DNER: variants seen among roughly 807,000 people sequenced by gnomAD.
The protein encoded by DNER is delta/notch like EGF repeat containing.
Under a neutral mutation model 78.2 loss-of-function variants are expected in DNER, and 33 were observed. The observed-to-expected ratio is 0.42, with a 90% confidence interval of 0.32 to 0.56. The LOEUF is 0.56. Ranked by LOEUF, DNER falls within the 20% of genes least tolerant of loss-of-function variation. The pLI, the probability that DNER is intolerant of heterozygous loss-of-function variation, is 0.11. For synonymous variants in DNER, 417 were observed against 384.8 expected (o/e 1.08, Z -0.98); for missense variants, 918 against 975.3 (o/e 0.94, Z 0.78).
intron 8 of DNER, among the ~76,000 whole-genome samples, chr2:229,432,875 A>G (rs1418645772): frequency 6.6e-6 from 1 of 152,220 alleles, no homozygotes; most frequent in East Asian, 1.9e-4. Context: ...GGGAAATGGT[A>G]GGGGTTGTCC....
In DNER at chr2:229,357,720, C is replaced by A. The variant is rs530378251; in HGVS notation, c.*820G>T. On this transcript the variant is annotated 3_prime_UTR_variant, in exon 13 of 13. Transcript: ENST00000341772. ...AATCAAATACAGCCACAAAAACATC[C>A]TGGAGATAAATAAAGCTGCACTATG... 3.9e-5 allele frequency: 6 copies of A among 152,286 alleles called. 1 individual carries two copies. The Middle Eastern group carries it at 0.01, about 259-fold the overall frequency. 9.4% of individuals were successfully genotyped at this position (152,286 alleles called of 1,614,324 possible).
rs574649757 is a variant in DNER, at chr2:229,684,047, G to A, written c.276+30101C>T. ...AAACCCTTTCAACAGTCTGAAAAGT[G>A]CAATGGTAACCATTTTCCAGATGCT... On this transcript the variant is annotated intron_variant, in intron 1 of 12. Transcript: ENST00000341772. Among the ~76,000 whole-genome samples the A allele has an allele frequency of 2.6e-5, 4 of 151,930 alleles. No individual in the cohort carries two copies. In the South Asian group the frequency reaches 6.3e-4, roughly 24 times the overall value.
At chr2:229,379,083 A>G (rs1325640828) in intron 11 of DNER, among the ~76,000 whole-genome samples, 1 of 152,198 alleles carries the variant, frequency 6.6e-6, no homozygotes, top group Non-Finnish European at 1.5e-5. Flanking sequence ...TTGAGTGAAC[A>G]CGGCGTCCAG....
intron 1 of DNER, among the ~76,000 whole-genome samples, chr2:229,625,917 T>A (rs571947962): frequency 0.013 from 1,970 of 149,970 alleles, 17 homozygotes; most frequent in Middle Eastern, 0.031. Flanking sequence ...GTTGTTGTTG[T>A]TTGTTTTTTG....
chr2:229,464,935 G>C (rs1443772943), intron 7 of DNER, among the ~76,000 whole-genome samples: 1 of 152,110 alleles, frequency 6.6e-6, no homozygotes, highest in African/African-American at 2.4e-5. Context: ...TGGCATGTTT[G>C]AACAACAACA....
At chr2:229,429,738 G>T (rs1039842370) in intron 8 of DNER, among the ~76,000 whole-genome samples, 4 of 152,236 alleles carry the variant, frequency 2.6e-5, no homozygotes, top group African/African-American at 4.8e-5. Flanking sequence ...GTGCCTGGCT[G>T]ATTAGCCCAG....
chr2:229,707,504 C>T (rs545594060), intron 1 of DNER, among the ~76,000 whole-genome samples: 2 of 152,294 alleles, frequency 1.3e-5, no homozygotes, highest in East Asian at 1.9e-4. Context: ...AACACAATCC[C>T]TCCTCATATG....
At chr2:229,651,634 A>G (rs781352156) in intron 1 of DNER, among the ~76,000 whole-genome samples, 5 of 152,244 alleles carry the variant, frequency 3.3e-5, no homozygotes, top group Non-Finnish European at 7.3e-5. Context: ...TAGATAACTC[A>G]GCCTGGAGCA....
At chr2:229,651,572 C>T (rs1559195990) in intron 1 of DNER, among the ~76,000 whole-genome samples, 1 of 152,234 alleles carries the variant, frequency 6.6e-6, no homozygotes, top group East Asian at 1.9e-4. Flanking sequence ...AGCCAGGTCT[C>T]TATCCATTCT....
At chr2:229,490,927 A>C (rs552992748) in intron 6 of DNER, among the ~76,000 whole-genome samples, 49 of 152,342 alleles carry the variant, frequency 3.2e-4, no homozygotes, top group African/African-American at 1.2e-3. Context: ...ATAAATGCAC[A>C]TATTTTAAAA....
At chr2:229,495,207 A>G (rs931896069) in intron 6 of DNER, among the ~76,000 whole-genome samples, 1 of 152,216 alleles carries the variant, frequency 6.6e-6, no homozygotes, top group African/African-American at 2.4e-5. Flanking sequence ...AGCTAAATAT[A>G]TAATTTCATC....
intron 1 of DNER, among the ~76,000 whole-genome samples, chr2:229,705,462 A>G (rs1219681339): frequency 6.6e-6 from 1 of 152,226 alleles, no homozygotes; most frequent in African/African-American, 2.4e-5. Context: ...ATACCTTAAC[A>G]TTACACAAAC....
At chr2:229,470,232 A>G (rs1694895651) in intron 7 of DNER, among the ~76,000 whole-genome samples, 1 of 152,208 alleles carries the variant, frequency 6.6e-6, no homozygotes, top group Admixed American at 6.5e-5. Context: ...TCTCTTTTTT[A>G]GAAGAAAACC....
At chr2:229,409,840 T>C (rs1693470458) in intron 9 of DNER, among the ~76,000 whole-genome samples, 1 of 152,212 alleles carries the variant, frequency 6.6e-6, no homozygotes, top group South Asian at 2.1e-4. Flanking sequence ...CTCACATTTC[T>C]ATATCGTAAA....
chr2:229,588,510 G>A (rs768146262), intron 2 of DNER, 22 bp from the exon 3 acceptor site: 14 of 775,492 alleles, frequency 1.8e-5, no homozygotes, highest in African/African-American at 9.0e-5. Flanking sequence ...AAAAAAAAAC[G>A]ACATATGATT....
intron 4 of DNER, among the ~76,000 whole-genome samples, chr2:229,567,167 C>T (rs1041157606): frequency 6.6e-6 from 1 of 152,350 alleles, no homozygotes; most frequent in Non-Finnish European, 1.5e-5. Context: ...AATAGTCCTT[C>T]TCCAAGGTAG....
At chr2:229,580,977 TG>T (rs1455688594) in intron 4 of DNER, among the ~76,000 whole-genome samples, 1 of 151,762 alleles carries the variant, frequency 6.6e-6, no homozygotes, top group African/African-American at 2.4e-5. Context: ...TCAGACAGAA[TG>T]GGGGTGGGAG....
At chr2:229,526,477 C>T (rs1478298496) in intron 5 of DNER, among the ~76,000 whole-genome samples, 1 of 152,208 alleles carries the variant, frequency 6.6e-6, no homozygotes, top group East Asian at 1.9e-4. Context: ...ACCTTTTTGG[C>T]ACCAGGGACC....
intron 8 of DNER, among the ~76,000 whole-genome samples, chr2:229,427,395 G>T (rs1305437029): frequency 6.6e-6 from 1 of 152,226 alleles, no homozygotes; most frequent in African/African-American, 2.4e-5. Context: ...TTCAATGCCT[G>T]CTATGTGTCA....
Sources: gnomAD v4.1 joint callset for allele counts (sites outside exome capture counted in the v4.1 genomes callset) on GRCh38, gnomAD v4.1.1 for gene constraint, MANE v1.5 for transcripts, NCBI Gene and HGNC (gene_info 2026-07-23, HGNC 2026-07-21) for gene names.